LRRC4C: variants seen among roughly 807,000 people sequenced by gnomAD.
LRRC4C encodes the protein leucine rich repeat containing 4C.
A neutral mutation model predicts 33.6 loss-of-function variants in LRRC4C; 5 were observed. The ratio of observed to expected loss-of-function variants is 0.15; its 90% confidence interval spans 0.08 to 0.31. The LOEUF is 0.31. Ranked by LOEUF, LRRC4C falls within the 10% of genes least tolerant of loss-of-function variation. The probability of loss-of-function intolerance (pLI) is 1.00; values close to 1 mark genes in which losing one functional copy is unlikely to be tolerated. For synonymous variants in LRRC4C, 329 were observed against 302.0 expected (o/e 1.09, Z -0.93); for missense variants, 560 against 796.7 (o/e 0.70, Z 3.58).
intron 4 of LRRC4C, among the ~76,000 whole-genome samples, chr11:40,250,134 C>A (rs544757567): frequency 4.9e-4 from 75 of 152,292 alleles, no homozygotes; most frequent in African/African-American, 1.7e-3. Context: ...CGATGAACTA[C>A]CTTCTTTATT....
At chr11:40,943,439 C>T (rs1958247847) in intron 1 of LRRC4C, among the ~76,000 whole-genome samples, 1 of 152,156 alleles carries the variant, frequency 6.6e-6, no homozygotes, top group Non-Finnish European at 1.5e-5. Context: ...AACCATTTAC[C>T]TGCCAAAGAA....
At chr11:40,561,458 G>T (rs1203535642) in intron 3 of LRRC4C, among the ~76,000 whole-genome samples, 4 of 141,144 alleles carry the variant, frequency 2.8e-5, no homozygotes, top group African/African-American at 1.1e-4. Flanking sequence ...TGTTGCCCAG[G>T]CTGGATTGTA....
intron 1 of LRRC4C, among the ~76,000 whole-genome samples, chr11:41,360,859 G>T (rs78200466): frequency 0.012 from 1,860 of 152,164 alleles, 15 homozygotes; most frequent in Middle Eastern, 0.02. Context: ...TACTCCACTT[G>T]TTCAAATTTT....
chr11:41,160,242 T>G (rs1474638493), intron 1 of LRRC4C, among the ~76,000 whole-genome samples: 2 of 151,984 alleles, frequency 1.3e-5, no homozygotes, highest in Admixed American at 6.6e-5. Context: ...CAATGATGGG[T>G]GCCATTGTCC....
intron 1 of LRRC4C, among the ~76,000 whole-genome samples, chr11:41,003,924 C>T (rs951928573): frequency 2.0e-5 from 3 of 151,984 alleles, no homozygotes; most frequent in African/African-American, 7.3e-5. Context: ...AGAGTGAGAA[C>T]TCCAAAGGTC....
chr11:40,415,431 C>T (rs1320319052), intron 3 of LRRC4C, among the ~76,000 whole-genome samples: 1 of 152,118 alleles, frequency 6.6e-6, no homozygotes, highest in Non-Finnish European at 1.5e-5. Context: ...GAGTGTCCAC[C>T]CTTCCTTGCT....
At chr11:40,907,025 G>T (rs1956452786) in intron 2 of LRRC4C, among the ~76,000 whole-genome samples, 1 of 152,156 alleles carries the variant, frequency 6.6e-6, no homozygotes, top group African/African-American at 2.4e-5. Flanking sequence ...TTATATATGT[G>T]TGTGCACTGT....
At chr11:41,269,982 T>C (rs1429593484) in intron 1 of LRRC4C, among the ~76,000 whole-genome samples, 2 of 152,112 alleles carry the variant, frequency 1.3e-5, no homozygotes, top group Non-Finnish European at 2.9e-5. Context: ...TATAAACCTG[T>C]TTTTATTAGT....
At chr11:40,343,864 A>G (rs1359094499) in intron 3 of LRRC4C, among the ~76,000 whole-genome samples, 1 of 152,088 alleles carries the variant, frequency 6.6e-6, no homozygotes, top group African/African-American at 2.4e-5. Context: ...AGAGACTACT[A>G]AGAACACCTC....
chr11:40,382,123 ATTTTTTTTTTTTT>A (rs77934711), intron 3 of LRRC4C, among the ~76,000 whole-genome samples: 59 of 99,982 alleles, frequency 5.9e-4, no homozygotes, highest in African/African-American at 1.7e-3. Context: ...TGCCCGGCTA[ATTTTTTTTTTTTT>A]TTTTTTTTTT....
chr11:40,285,497 T>C (rs1482586310), intron 4 of LRRC4C, among the ~76,000 whole-genome samples: 1 of 152,188 alleles, frequency 6.6e-6, no homozygotes, highest in Non-Finnish European at 1.5e-5. Context: ...ACTATTAGCA[T>C]TGACCATATT....
intron 1 of LRRC4C, among the ~76,000 whole-genome samples, chr11:41,115,296 G>T (rs1360129453): frequency 1.3e-5 from 2 of 151,802 alleles, no homozygotes; most frequent in African/African-American, 4.8e-5. Flanking sequence ...AAGAACAAAT[G>T]ACTTGCTAAG....
chr11:40,221,363 T>C (rs1402169350), intron 5 of LRRC4C, among the ~76,000 whole-genome samples: 2 of 152,142 alleles, frequency 1.3e-5, no homozygotes, highest in East Asian at 1.9e-4. Flanking sequence ...GATCAGTCTA[T>C]CGGATTGCCC....
chr11:40,989,172 G>A (rs1415808836), intron 1 of LRRC4C, among the ~76,000 whole-genome samples: 2 of 152,104 alleles, frequency 1.3e-5, no homozygotes, highest in Admixed American at 1.3e-4. Context: ...AGCCTCAAAG[G>A]ACACACAATA....
At chr11:41,270,992 C>T (rs72894526) in intron 1 of LRRC4C, among the ~76,000 whole-genome samples, 10 of 152,106 alleles carry the variant, frequency 6.6e-5, no homozygotes, top group African/African-American at 2.4e-4. Flanking sequence ...TCCTATAAAT[C>T]AAATCATTGG....
chr11:40,964,598 C>T (rs1036133493), intron 1 of LRRC4C, among the ~76,000 whole-genome samples: 1 of 145,564 alleles, frequency 6.9e-6, no homozygotes, highest in African/African-American at 2.6e-5. Context: ...TCAATTCCCA[C>T]TTATGAGTGA....
intron 2 of LRRC4C, among the ~76,000 whole-genome samples, chr11:40,671,651 G>GTGTGTGTGTGTGTGTGTT (rs879796026): frequency 5.4e-5 from 5 of 92,950 alleles, no homozygotes; most frequent in African/African-American, 1.2e-4. Context: ...TATTCAGTGT[G>GTGTGTGTGTGTGTGTGTT]TGTGTGTGTG....
intron 1 of LRRC4C, among the ~76,000 whole-genome samples, chr11:41,277,792 C>T (rs976875480): frequency 2.0e-5 from 3 of 151,872 alleles, no homozygotes; most frequent in South Asian, 4.2e-4. Context: ...TTTTCAAGTT[C>T]CGTGAGTAAC....
chr11:40,474,091 GA>G (rs35104740), intron 3 of LRRC4C, among the ~76,000 whole-genome samples: 1 of 151,728 alleles, frequency 6.6e-6, no homozygotes, highest in African/African-American at 2.4e-5. Context: ...CACAGAATTA[GA>G]AAAAAGAGTA....
Sources: gnomAD v4.1 joint callset for allele counts (sites outside exome capture counted in the v4.1 genomes callset) on GRCh38, gnomAD v4.1.1 for gene constraint, MANE v1.5 for transcripts, NCBI Gene and HGNC (gene_info 2026-07-23, HGNC 2026-07-21) for gene names.